AK7: variants seen among roughly 807,000 people sequenced by gnomAD.
AK7 encodes the protein ATP-AMP transphosphorylase 7.
Under a neutral mutation model 96.6 loss-of-function variants are expected in AK7, and 78 were observed. That is an observed-to-expected ratio of 0.81 (90% CI 0.67 to 0.97). The LOEUF (loss-of-function observed/expected upper bound fraction) is 0.97, where lower values mean the gene tolerates loss of function less well. AK7 is among the 50% of genes least tolerant of loss of function. The pLI is 0.00. For missense variants in AK7, 855 were observed against 887.9 expected (o/e 0.96, Z 0.47); for synonymous variants, 302 against 317.2 (o/e 0.95, Z 0.51).
intron 5 of AK7, among the ~76,000 whole-genome samples, chr14:96,427,477 G>A (rs1290322592): frequency 1.3e-5 from 2 of 152,132 alleles, no homozygotes; most frequent in East Asian, 3.9e-4. Flanking sequence ...TTACAAGAAC[G>A]GCAAGGGGTA....
At position 96,456,468 on chromosome 14, in the gene AK7, C is replaced by T. The variant is rs1186670426; in HGVS notation, c.1220C>T (p.Ala407Val). The T allele has an allele frequency of 1.9e-6, 3 of 1,613,226 alleles. No individual in the cohort carries two copies. In the African/African-American group the frequency reaches 4.0e-5, roughly 22 times the overall value. Residue 407 changes from alanine (A) to valine (V), a missense_variant, in exon 11 of 18, where the codon GCA becomes GTA. Coordinates refer to ENST00000267584, the MANE Select transcript of AK7 (RefSeq NM_152327.5). ...QLKDVISEAI[A>V]KLEAIVAPND... ...AAGGATGTCATTTCTGAAGCCATAG[C>T]AAAACTGGTAACACTTTAAACTATT...
rs1372206762 is a variant in AK7, at chr14:96,398,032, C to G, written c.106-43C>G. The G allele has an allele frequency of 1.9e-6, 3 of 1,587,656 alleles. No individual in the cohort carries two copies. The African/African-American group carries it at 4.0e-5, about 21-fold the overall frequency. On this transcript the variant is annotated intron_variant, in intron 1 of 17. Transcript: ENST00000267584. ...ATCATCATTCACTGGCCCCCTGACT[C>G]TAATTTTCTCTTACCATTTGGGAAA...
chr14:96,425,010 C>T (rs930509339), intron 5 of AK7, among the ~76,000 whole-genome samples: 2 of 152,092 alleles, frequency 1.3e-5, no homozygotes, highest in Admixed American at 1.3e-4. Flanking sequence ...ATCAAAATTT[C>T]GTTGTAAAAA....
chr14:96,478,562 C>T lies in AK7; in HGVS notation c.1653C>T (p.Asp551=), dbSNP rs780736532. 9 of 1,614,186 alleles carry T rather than the reference C, an allele frequency of 5.6e-6. No homozygotes were observed. The East Asian group carries it at 2.0e-4, about 36-fold the overall frequency. The stretch of plus-strand genomic sequence containing the variant: ...TGGCGGGGACCCACTACAGCCAAGA[C>T]CGATTCCTCCGGGCTCTGAGCAACT... The part of the protein sequence containing the change: ...SIVAGTHYSQ[D]RFLRALSNYR... Residue 551 remains aspartate (D), a synonymous_variant, in exon 15 of 18, where the codon GAC becomes GAT. Coordinates refer to ENST00000267584, the MANE Select transcript of AK7 (RefSeq NM_152327.5).
intron 12 of AK7, among the ~76,000 whole-genome samples, chr14:96,470,661 T>A (rs1291100730): frequency 1.3e-5 from 2 of 152,170 alleles, no homozygotes; most frequent in Non-Finnish European, 2.9e-5. Flanking sequence ...GGAGCCGTGT[T>A]CTTTTCTGAA....
At chr14:96,426,677 TA>T (rs1892048579) in intron 5 of AK7, among the ~76,000 whole-genome samples, 4 of 152,242 alleles carry the variant, frequency 2.6e-5, no homozygotes, top group Admixed American at 1.3e-4. Context: ...TCACCAGATA[TA>T]CTATTCTAGG....
chr14:96,471,746 C>A (rs1302426076), intron 13 of AK7, 140 bp downstream of exon 13: 2 of 725,712 alleles, frequency 2.8e-6, no homozygotes, highest in African/African-American at 1.9e-5. Context: ...CCTTTCTTTA[C>A]GTAGCTTTTT....
At chr14:96,466,163 T>G (rs973219930) in intron 12 of AK7, among the ~76,000 whole-genome samples, 10 of 151,514 alleles carry the variant, frequency 6.6e-5, no homozygotes, top group African/African-American at 2.4e-4. Flanking sequence ...TCTCCTGGAC[T>G]CAAACAATCC....
chr14:96,451,664 A>G, intron 10 of AK7, 94 bp downstream of exon 10: 10 of 1,244,220 alleles, frequency 8.0e-6, no homozygotes, highest in Non-Finnish European at 1.0e-5. Flanking sequence ...TTGCTTTTTC[A>G]GACGTTCAAA....
At chr14:96,446,490 A>G in intron 7 of AK7, 27 bp from the exon 8 acceptor site, 1 of 1,600,886 alleles carries the variant, frequency 6.2e-7, no homozygotes. Context: ...TTTCCCTTTG[A>G]TGATTATTTT....
At chr14:96,421,607 CTT>C (rs79982057) in intron 5 of AK7, 16 of 139,834 alleles carry the variant, frequency 1.1e-4, no homozygotes, top group Non-Finnish European at 1.6e-4. Flanking sequence ...ATTCTCGTAG[CTT>C]TTTTTTTTTT....
intron 1 of AK7, among the ~76,000 whole-genome samples, chr14:96,395,507 C>A: frequency 6.6e-6 from 1 of 151,658 alleles, no homozygotes; most frequent in African/African-American, 2.4e-5. Flanking sequence ...CAAGGGTCAC[C>A]TGTACAAAAA....
intron 12 of AK7, among the ~76,000 whole-genome samples, chr14:96,461,800 G>A (rs1281813052): frequency 6.6e-6 from 1 of 152,094 alleles, no homozygotes; most frequent in African/African-American, 2.4e-5. Flanking sequence ...TGGCCAGACT[G>A]GTCTCAAACC....
intron 4 of AK7, among the ~76,000 whole-genome samples, chr14:96,419,789 C>CTTTTT (rs5810772): frequency 4.5e-5 from 6 of 134,104 alleles, no homozygotes; most frequent in African/African-American, 8.6e-5. Context: ...TCTTTCTTTT[C>CTTTTT]TTTTTTTTTT....
intron 2 of AK7, among the ~76,000 whole-genome samples, chr14:96,402,219 A>ACACACACAC (rs1266304401): frequency 1.3e-5 from 2 of 148,420 alleles, no homozygotes; most frequent in South Asian, 2.2e-4. Flanking sequence ...ACACACACAC[A>ACACACACAC]ATTCTTCTTA....
chr14:96,460,376 C>T lies in AK7; in HGVS notation c.1357+2164C>T, dbSNP rs371337099. Among the ~76,000 whole-genome samples the T allele has an allele frequency of 1.9e-3, 283 of 152,288 alleles. 9 individuals carry two copies. In the South Asian group the frequency reaches 0.05, roughly 27 times the overall value. On this transcript the variant is annotated intron_variant, in intron 12 of 17. Transcript: ENST00000267584. ...CCTTTATTTTCTCTCCTCTTCCTTCCTCCTCCCTTCTTGCTGGTGGCCATT... is the reference window on the plus strand; with the variant it reads ...CCTTTATTTTCTCTCCTCTTCCTTCTTCCTCCCTTCTTGCTGGTGGCCATT...
intron 12 of AK7, among the ~76,000 whole-genome samples, chr14:96,459,969 C>T (rs924144257): frequency 6.6e-6 from 1 of 152,160 alleles, no homozygotes; most frequent in African/African-American, 2.4e-5. Context: ...ATTATTCTTA[C>T]TCAGTGATTC....
intron 5 of AK7, among the ~76,000 whole-genome samples, chr14:96,427,429 T>C (rs1218739957): frequency 6.6e-6 from 1 of 152,098 alleles, no homozygotes; most frequent in Non-Finnish European, 1.5e-5. Context: ...GCTACACACT[T>C]TTATAAACAA....
At chr14:96,470,920 G>C (rs1464824071) in intron 12 of AK7, among the ~76,000 whole-genome samples, 1 of 152,078 alleles carries the variant, frequency 6.6e-6, no homozygotes, top group African/African-American at 2.4e-5. Context: ...CCAAAAATTG[G>C]GATTACAGAA....
Sources: allele counts gnomAD v4.1 joint callset (sites outside exome capture counted in the v4.1 genomes callset), GRCh38; gene constraint gnomAD v4.1.1; transcripts MANE v1.5; gene names NCBI Gene and HGNC (gene_info 2026-07-23, HGNC 2026-07-21).